The following IGSF9B variants were observed in gnomAD, a reference collection of about 807,000 sequenced individuals.
IGSF9B encodes the protein immunoglobulin superfamily member 9B.
IGSF9B carries 48 observed loss-of-function variants against 143.7 expected under a neutral mutation model. That is an observed-to-expected ratio of 0.33 (90% CI 0.26 to 0.42). The LOEUF is 0.42. Among genes scored for constraint, IGSF9B ranks in the 20% least tolerant of loss-of-function variants. The pLI is 1.00. For synonymous variants in IGSF9B, 903 were observed against 833.1 expected (o/e 1.08, Z -1.44); for missense variants, 1,706 against 1,980.0 (o/e 0.86, Z 2.63).
intron 18 of IGSF9B, among the ~76,000 whole-genome samples, chr11:133,915,947 G>A (rs894697610): frequency 1.3e-5 from 2 of 152,176 alleles, no homozygotes; most frequent in Admixed American, 6.5e-5. Context: ...AGCCCACCCC[G>A]CTGACCACAA....
rs1273750536 is a variant in IGSF9B, at chr11:133,906,974, GCTAC to G, written c.*2091_*2094del. Among the ~76,000 whole-genome samples the G allele has an allele frequency of 6.6e-6, 1 of 152,154 alleles. No homozygotes were observed. The highest frequency in any genetic ancestry group is 1.5e-5 in the Non-Finnish European group (1 of 68,034). The stretch of plus-strand genomic sequence containing the variant: ...ATCACGACGCGGGGGCAGAGGGTGT[GCTAC>G]CTGGAAAAAAGAACACAAAGAGTTG... On this transcript the variant is annotated 3_prime_UTR_variant, in exon 20 of 20. Coordinates refer to ENST00000533871, the MANE Select transcript of IGSF9B (RefSeq NM_001277285.4).
In IGSF9B at chr11:133,919,699, G is replaced by C. The variant is rs536592162; in HGVS notation, c.3983+43C>G. 300 of 1,247,970 alleles carry C rather than the reference G, an allele frequency of 2.4e-4. No homozygotes were observed. In the African/African-American group the frequency reaches 4.0e-3, roughly 17 times the overall value. The allele number at this position is 1,247,970 out of a possible 1,614,324, so 77.3% of individuals were successfully genotyped here. ...GGCAGGGCGAGGCGGGTGGGGGAAG[G>C]AAGTTGCCCAGGTGCGGGTGGCGGA... On this transcript the variant is annotated intron_variant, in intron 18 of 19. Transcript: ENST00000533871.
At chr11:133,933,412 C>T (rs1939769124) in intron 7 of IGSF9B, among the ~76,000 whole-genome samples, 1 of 152,242 alleles carries the variant, frequency 6.6e-6, no homozygotes. Flanking sequence ...GGTTGACCAG[C>T]CTTCCTTGGA....
In IGSF9B at chr11:133,931,104, C is replaced by T. The variant is rs1442012210; in HGVS notation, c.1399G>A (p.Ala467Thr). 1 of 1,613,486 alleles carries T rather than the reference C, an allele frequency of 6.2e-7. No individual in the cohort carries two copies. Among genetic ancestry groups the T allele is most frequent in the African/African-American group, 1.3e-5 (1 of 74,934 alleles). The change falls in exon 11 of 20, where the codon GCC becomes ACC. Residue 467 changes from alanine to threonine, a missense_variant. Physicochemically the swap from Ala to Thr is moderately conservative, Grantham distance 58. Transcript: ENST00000533871. The surrounding 1 kb of genome is among the most constrained non-coding windows in gnomAD (Gnocchi z 7.7). Reference sequence around the variant, plus strand: ...AACTGCAGGCTCCCACTGGGCAGGGCACTGTGCTTGCTTCTGCTGGGCTTC... The same window carrying T: ...AACTGCAGGCTCCCACTGGGCAGGGTACTGTGCTTGCTTCTGCTGGGCTTC... ...VGKPSRSKHS[A>T]LPSGSLQFRA...
At chr11:133,942,679 T>C (rs1484721206) in intron 3 of IGSF9B, among the ~76,000 whole-genome samples, 1 of 152,176 alleles carries the variant, frequency 6.6e-6, no homozygotes, top group African/African-American at 2.4e-5. Context: ...CAGCCTGGTG[T>C]TCATCAAGGC....
chr11:133,945,577 C>T lies in IGSF9B; in HGVS notation c.262+484G>A, dbSNP rs575197221. ...GAGTAACTGCCAAACAGGACACAGA[C>T]GGGGCCAGGAGAAGGAGAGGACAGC... On this transcript the variant is annotated intron_variant, in intron 2 of 19. Coordinates refer to ENST00000533871, the MANE Select transcript of IGSF9B (RefSeq NM_001277285.4). This position sits in a 1 kb window ranked among gnomAD's most constrained non-coding sequence, Gnocchi z 4.6. Among the ~76,000 whole-genome samples the T allele has an allele frequency of 1.6e-4, 24 of 152,264 alleles. No individual in the cohort carries two copies. The highest frequency in any genetic ancestry group is 2.6e-4 in the Admixed American group (4 of 15,308).
rs1344533148 is a variant in IGSF9B, at chr11:133,945,803, C to T, written c.262+258G>A. 2.0e-5 allele frequency among the ~76,000 whole-genome samples: 3 copies of T among 152,158 alleles called. No homozygotes were observed. In the East Asian group the frequency reaches 5.8e-4, roughly 29 times the overall value. On this transcript the variant is annotated intron_variant, in intron 2 of 19. Coordinates refer to ENST00000533871, the MANE Select transcript of IGSF9B (RefSeq NM_001277285.4). The surrounding 1 kb of genome is among the most constrained non-coding windows in gnomAD (Gnocchi z 4.6). ...ATCCCACTCTCCCACCCAGGCCTCT[C>T]CAGCTTCCCCTTTGGCTCCCAGCCC...
intron 1 of IGSF9B, 93 bp downstream of exon 1, chr11:133,956,598 C>CG (rs1268578404): frequency 1.4e-5 from 12 of 855,356 alleles, no homozygotes; most frequent in South Asian, 3.2e-5. Context: ...GCTGGGGAAC[C>CG]GGGGGGCCAA....
In IGSF9B at chr11:133,945,868, C is replaced by A. The variant is rs1024616161; in HGVS notation, c.262+193G>T. Among the ~76,000 whole-genome samples, 2 of 152,070 alleles carry A rather than the reference C, an allele frequency of 1.3e-5. No homozygotes were observed. Among genetic ancestry groups the A allele is most frequent in the African/African-American group, 4.8e-5 (2 of 41,420 alleles). ...GCGGTGCTGTTCAGAAGGCTTTACC[C>A]TGCCCCACCTCCACAGCCCTCTCCT... On this transcript the variant is annotated intron_variant, in intron 2 of 19. Coordinates refer to ENST00000533871, the MANE Select transcript of IGSF9B (RefSeq NM_001277285.4). The surrounding 1 kb of genome is among the most constrained non-coding windows in gnomAD (Gnocchi z 4.6).
intron 19 of IGSF9B, among the ~76,000 whole-genome samples, chr11:133,910,169 G>A (rs1315276891): frequency 1.3e-5 from 2 of 152,204 alleles, no homozygotes; most frequent in Non-Finnish European, 2.9e-5. Flanking sequence ...TTACGATGGG[G>A]AGGTTTTAAT....
At chr11:133,930,717 C>A (rs1229326381) in intron 11 of IGSF9B, among the ~76,000 whole-genome samples, 1 of 152,234 alleles carries the variant, frequency 6.6e-6, no homozygotes, top group African/African-American at 2.4e-5. Flanking sequence ...CACACAGCCG[C>A]CTCTTTCCCT....
At chr11:133,926,494 G>A (rs998839449) in intron 13 of IGSF9B, among the ~76,000 whole-genome samples, 2 of 152,206 alleles carry the variant, frequency 1.3e-5, no homozygotes, top group Non-Finnish European at 2.9e-5. Flanking sequence ...TGGCCAGGCA[G>A]GGAGGAGTAT....
rs796829043 is a variant in IGSF9B at position 133,908,227 on chromosome 11, G to A, written c.*842C>T. Reference sequence around the variant, plus strand: ...CTACTCCTGCAGCGTGAGCCACGCTGGAAGGAAGAAAGATGCAGGTCTAGG... The same window carrying A: ...CTACTCCTGCAGCGTGAGCCACGCTAGAAGGAAGAAAGATGCAGGTCTAGG... On this transcript the variant is annotated 3_prime_UTR_variant, in exon 20 of 20. Coordinates refer to ENST00000533871, the MANE Select transcript of IGSF9B (RefSeq NM_001277285.4). Among the ~76,000 whole-genome samples the A allele has an allele frequency of 1.4e-4, 21 of 152,320 alleles. No homozygotes were observed. Among genetic ancestry groups the A allele is most frequent in the African/African-American group, 4.1e-4 (17 of 41,578 alleles).
Position 133,931,061 on chromosome 11 carries a change from T to A in IGSF9B, c.1442A>T (p.Glu481Val). 3 of 1,613,770 alleles carry A rather than the reference T, an allele frequency of 1.9e-6. No homozygotes were observed. The highest frequency in any genetic ancestry group is 2.5e-6 in the Non-Finnish European group (3 of 1,179,810). Residue 481 changes from glutamate to valine, a missense_variant, in exon 11 of 20, where the codon GAG becomes GTG. Physicochemically the swap from Glu to Val is moderately radical, Grantham distance 121 (BLOSUM62 -2). Transcript: ENST00000533871. This position sits in a 1 kb window ranked among gnomAD's most constrained non-coding sequence, Gnocchi z 7.7. ...GACACATTCCCACTCCCCGTGGTCCTCCTTACTCAGGGCACGGAACTGCAG... is the reference window on the plus strand; with the variant it reads ...GACACATTCCCACTCCCCGTGGTCCACCTTACTCAGGGCACGGAACTGCAG... ...GSLQFRALSK[E>V]DHGEWECVAT...
At chr11:133,921,702 C>A (rs568939992) in intron 17 of IGSF9B, among the ~76,000 whole-genome samples, 4 of 152,134 alleles carry the variant, frequency 2.6e-5, no homozygotes, top group East Asian at 1.9e-4. Context: ...CGCGCCCGGC[C>A]CCCCCCATCA....
intron 2 of IGSF9B, among the ~76,000 whole-genome samples, chr11:133,944,700 T>A (rs1365066149): frequency 6.6e-6 from 1 of 152,222 alleles, no homozygotes; most frequent in African/African-American, 2.4e-5. Flanking sequence ...GCATGATGGA[T>A]ACAGAGCTGT....
intron 2 of IGSF9B, among the ~76,000 whole-genome samples, chr11:133,944,800 G>C (rs1940016197): frequency 6.6e-6 from 1 of 152,216 alleles, no homozygotes; most frequent in Non-Finnish European, 1.5e-5. Context: ...CATTCAGGCT[G>C]AGCAATATCC....
At chr11:133,936,297 C>T in intron 5 of IGSF9B, 103 bp from the exon 6 acceptor site, 1 of 1,018,544 alleles carries the variant, frequency 9.8e-7, no homozygotes. Flanking sequence ...GTGCCCTGAA[C>T]ACTGCGATGG....
chr11:133,906,740 T>A lies in IGSF9B; in HGVS notation c.*2329A>T, dbSNP rs942608475. 8.5e-5 allele frequency among the ~76,000 whole-genome samples: 13 copies of A among 152,056 alleles called. No homozygotes were observed. The highest frequency in any genetic ancestry group is 1.5e-4 in the Non-Finnish European group (10 of 68,000). ...GGGTGCTCAGAAAAGTAGGCCAAAT[T>A]CATCCTGAAGGCTGACAGCCTGATG... On this transcript the variant is annotated 3_prime_UTR_variant, in exon 20 of 20. Coordinates refer to ENST00000533871, the MANE Select transcript of IGSF9B (RefSeq NM_001277285.4).
Sources: gnomAD v4.1 joint callset for allele counts (sites outside exome capture counted in the v4.1 genomes callset) on GRCh38, gnomAD v4.1.1 for gene constraint, Gnocchi (gnomAD v3.1) non-coding constraint, MANE v1.5 for transcripts, NCBI Gene and HGNC (gene_info 2026-07-23, HGNC 2026-07-21) for gene names.